The following ACOXL variants were observed in gnomAD, a reference collection of about 807,000 sequenced individuals.
The protein encoded by ACOXL is acyl-coenzyme A oxidase-like protein.
ACOXL carries 70 observed loss-of-function variants against 71.9 expected under a neutral mutation model. That is an observed-to-expected ratio of 0.97 (90% CI 0.80 to 1.19). ACOXL has a LOEUF of 1.19. Ranked by LOEUF, ACOXL falls within the 50% of genes most tolerant of loss-of-function variation. The pLI is 0.00. For missense variants in ACOXL, 703 were observed against 736.3 expected (o/e 0.95, Z 0.52); for synonymous variants, 253 against 281.6 (o/e 0.90, Z 1.02).
chr2:111,036,468 C>A (rs189556108), intron 15 of ACOXL, among the ~76,000 whole-genome samples: 17 of 152,322 alleles, frequency 1.1e-4, no homozygotes, highest in Admixed American at 3.9e-4. Flanking sequence ...CAAGAATAGG[C>A]AGATGGAATT....
chr2:110,857,083 G>A (rs1208080405), intron 10 of ACOXL, among the ~76,000 whole-genome samples: 1 of 152,086 alleles, frequency 6.6e-6, no homozygotes, highest in African/African-American at 2.4e-5. Context: ...TCCTGAAGTG[G>A]GGCAGTTTCA....
chr2:110,803,285 A>G (rs888520158), intron 8 of ACOXL, among the ~76,000 whole-genome samples: 2 of 152,262 alleles, frequency 1.3e-5, no homozygotes, highest in Admixed American at 1.3e-4. Context: ...CTTACTACAA[A>G]GTAATCAAGA....
intron 2 of ACOXL, among the ~76,000 whole-genome samples, chr2:110,778,329 G>A (rs1005109973): frequency 2.0e-5 from 3 of 152,162 alleles, no homozygotes; most frequent in Non-Finnish European, 4.4e-5. Context: ...TTCATTACAG[G>A]AAAGTTAAAA....
intron 16 of ACOXL, among the ~76,000 whole-genome samples, chr2:111,078,373 C>T (rs2067714572): frequency 6.6e-6 from 1 of 152,130 alleles, no homozygotes; most frequent in Non-Finnish European, 1.5e-5. Flanking sequence ...CAAGCAATCT[C>T]ATGCCTCAGC....
chr2:110,944,229 A>G (rs1212053555), intron 12 of ACOXL, among the ~76,000 whole-genome samples: 1 of 151,894 alleles, frequency 6.6e-6, no homozygotes, highest in Non-Finnish European at 1.5e-5. Flanking sequence ...TAATTTTTGT[A>G]TTTATAGTAG....
Position 111,060,434 on chromosome 2 carries a change from C to T in ACOXL, c.1440+11146C>T, listed in dbSNP as rs921552136. Among the ~76,000 whole-genome samples the T allele has an allele frequency of 2.0e-5, 3 of 152,128 alleles. No homozygotes were observed. The South Asian group carries it at 6.2e-4, about 32-fold the overall frequency. On this transcript the variant is annotated intron_variant, in intron 16 of 17. Transcript: ENST00000439055. Reference sequence around the variant, plus strand: ...GGGATCAGCAGGGGCCTAGTGGGAGCCAGCACCCCACCCCAGCAGCAACGA... The same window carrying T: ...GGGATCAGCAGGGGCCTAGTGGGAGTCAGCACCCCACCCCAGCAGCAACGA...
At chr2:110,955,949 T>C (rs2061485472) in intron 12 of ACOXL, among the ~76,000 whole-genome samples, 2 of 148,802 alleles carry the variant, frequency 1.3e-5, no homozygotes, top group Admixed American at 6.7e-5. Context: ...TTTTTTTTTT[T>C]TTTTTTTGAG....
At chr2:110,755,479 CA>C (rs1233311716) in intron 1 of ACOXL, among the ~76,000 whole-genome samples, 1 of 152,108 alleles carries the variant, frequency 6.6e-6, no homozygotes, top group Admixed American at 6.5e-5. Context: ...AGAAAATACA[CA>C]ACTATGCATG....
chr2:110,985,860 A>G (rs907572105), intron 12 of ACOXL, among the ~76,000 whole-genome samples: 4 of 152,196 alleles, frequency 2.6e-5, no homozygotes, highest in African/African-American at 4.8e-5. Flanking sequence ...CATGCATTTC[A>G]TACCTGGCTC....
At chr2:110,807,245 C>G (rs541110945) in intron 9 of ACOXL, among the ~76,000 whole-genome samples, 1 of 152,354 alleles carries the variant, frequency 6.6e-6, no homozygotes, top group Admixed American at 6.5e-5. Context: ...ATAGCGCTCT[C>G]TAGGGCTCAG....
chr2:110,805,548 T>A (rs1280106630), intron 9 of ACOXL, among the ~76,000 whole-genome samples, 153 bp downstream of exon 9: 1 of 152,150 alleles, frequency 6.6e-6, no homozygotes, highest in Non-Finnish European at 1.5e-5. Flanking sequence ...CAGGTGGCCA[T>A]CCACAGGGAA....
intron 1 of ACOXL, among the ~76,000 whole-genome samples, chr2:110,755,316 A>T (rs1679524398): frequency 6.6e-6 from 1 of 152,222 alleles, no homozygotes; most frequent in Non-Finnish European, 1.5e-5. Flanking sequence ...CCTAATCTCC[A>T]TATCTTAGAG....
intron 11 of ACOXL, among the ~76,000 whole-genome samples, chr2:110,912,565 T>G (rs896242237): frequency 2.6e-5 from 4 of 152,134 alleles, no homozygotes; most frequent in African/African-American, 9.7e-5. Flanking sequence ...GATATTGATA[T>G]GCAAAAAATG....
chr2:110,913,071 C>T (rs2059703938), intron 11 of ACOXL, among the ~76,000 whole-genome samples: 1 of 152,016 alleles, frequency 6.6e-6, no homozygotes, highest in Non-Finnish European at 1.5e-5. Flanking sequence ...AACTTCACAC[C>T]CACTAGGATG....
intron 13 of ACOXL, among the ~76,000 whole-genome samples, chr2:110,995,313 A>G (rs1442399458): frequency 6.6e-6 from 1 of 151,230 alleles, no homozygotes; most frequent in Non-Finnish European, 1.5e-5. Context: ...CAGCCTGGCC[A>G]ATATGGTGAA....
chr2:110,869,868 C>T (rs532312063), intron 10 of ACOXL, among the ~76,000 whole-genome samples: 1 of 152,354 alleles, frequency 6.6e-6, no homozygotes, highest in South Asian at 2.1e-4. Context: ...CTAGCCACTG[C>T]CAGCCCCTAC....
intron 14 of ACOXL, among the ~76,000 whole-genome samples, chr2:111,019,985 C>T (rs1472825145): frequency 6.6e-6 from 1 of 152,162 alleles, no homozygotes; most frequent in Non-Finnish European, 1.5e-5. Flanking sequence ...CTCAGCCTCC[C>T]GAGTAAATGG....
intron 11 of ACOXL, among the ~76,000 whole-genome samples, chr2:110,916,201 T>G (rs2149269973): frequency 6.6e-6 from 1 of 152,140 alleles, no homozygotes; most frequent in Non-Finnish European, 1.5e-5. Context: ...ACAATGTCAC[T>G]TCTTTTATTT....
At chr2:110,861,126 C>T (rs1043996792) in intron 10 of ACOXL, among the ~76,000 whole-genome samples, 1 of 152,096 alleles carries the variant, frequency 6.6e-6, no homozygotes, top group African/African-American at 2.4e-5. Flanking sequence ...AGAGTGAGAC[C>T]CTATCTCAAC....
Sources: allele counts gnomAD v4.1 joint callset (sites outside exome capture counted in the v4.1 genomes callset), GRCh38; gene constraint gnomAD v4.1.1; transcripts MANE v1.5; gene names NCBI Gene and HGNC (gene_info 2026-07-23, HGNC 2026-07-21).